The following GABRG3 variants were observed in gnomAD, a reference collection of about 807,000 sequenced individuals.
The protein encoded by GABRG3 is gamma-aminobutyric acid type A receptor subunit gamma3, also known as gamma-aminobutyric acid receptor subunit gamma-3.
Under a neutral mutation model 48.8 loss-of-function variants are expected in GABRG3, and 25 were observed. The observed-to-expected ratio is 0.51, with a 90% CI of 0.37 to 0.72. GABRG3 has a LOEUF of 0.72. Ranked by LOEUF, GABRG3 falls within the 30% of genes least tolerant of loss-of-function variation. GABRG3 has a pLI of 0.00. For synonymous variants in GABRG3, 227 were observed against 217.6 expected (o/e 1.04, Z -0.38); for missense variants, 394 against 577.9 (o/e 0.68, Z 3.26).
intron 2 of GABRG3, among the ~76,000 whole-genome samples, chr15:27,026,150 A>G (rs1895979075): frequency 6.6e-6 from 1 of 152,202 alleles, no homozygotes; most frequent in African/African-American, 2.4e-5. Context: ...TTAACATTCC[A>G]TTGTGTTTTG....
At chr15:26,977,255 A>G in intron 2 of GABRG3, 105 bp downstream of exon 2, 1 of 1,225,352 alleles carries the variant, frequency 8.2e-7, no homozygotes, top group South Asian at 1.4e-5. Flanking sequence ...AAGATAGTGC[A>G]GAAAGGTTTC....
At chr15:27,373,629 T>G (rs1895486565) in intron 5 of GABRG3, among the ~76,000 whole-genome samples, 1 of 152,234 alleles carries the variant, frequency 6.6e-6, no homozygotes, top group Admixed American at 6.5e-5. Flanking sequence ...AGCACTTAAT[T>G]ATATTAATGG....
chr15:26,988,481 T>C (rs1566901540), intron 2 of GABRG3, among the ~76,000 whole-genome samples: 2 of 152,180 alleles, frequency 1.3e-5, no homozygotes, highest in Non-Finnish European at 2.9e-5. Flanking sequence ...AGTGTTAGTA[T>C]GGTATATACG....
rs1481924086 is a variant in GABRG3, at chr15:27,541,219, C to T, written c.*8338C>T. ...ACACCTGGGCGACTCCTTGATCATT[C>T]GTGCATTCTGGTCAAGTTGACCCGA... On this transcript the variant is annotated 3_prime_UTR_variant, in exon 10 of 10. Coordinates refer to ENST00000615808, the MANE Select transcript of GABRG3 (RefSeq NM_033223.5). The T allele has an allele frequency of 1.3e-5, 2 of 152,240 alleles. No homozygotes were observed. Among genetic ancestry groups the T allele is most frequent in the Admixed American group, 6.5e-5 (1 of 15,290 alleles). The allele number at this position is 152,240 out of a possible 1,614,324, so 9.4% of individuals were successfully genotyped here. A position where few individuals can be genotyped will look rare whatever the true frequency, so the allele number is the denominator to read the frequency against.
chr15:27,444,691 T>C (rs1888889905), intron 5 of GABRG3, among the ~76,000 whole-genome samples: 1 of 152,220 alleles, frequency 6.6e-6, no homozygotes, highest in South Asian at 2.1e-4. Context: ...TGCTCCACTT[T>C]GCTGTTTCTC....
chr15:27,214,282 G>T (rs1889167987), intron 3 of GABRG3, among the ~76,000 whole-genome samples: 1 of 152,242 alleles, frequency 6.6e-6, no homozygotes, highest in African/African-American at 2.4e-5. Flanking sequence ...ATTCTGATTA[G>T]ATGCAAGGCT....
chr15:26,986,299 G>A (rs1296589674), intron 2 of GABRG3, among the ~76,000 whole-genome samples: 2 of 152,218 alleles, frequency 1.3e-5, no homozygotes, highest in Non-Finnish European at 2.9e-5. Context: ...AGCTATTACT[G>A]TAGAGTTAGT....
chr15:27,257,537 C>T (rs1249969618), intron 3 of GABRG3, among the ~76,000 whole-genome samples: 1 of 152,120 alleles, frequency 6.6e-6, no homozygotes, highest in African/African-American at 2.4e-5. Context: ...TAAGATATTT[C>T]TGAGTTGATT....
intron 6 of GABRG3, among the ~76,000 whole-genome samples, chr15:27,503,330 A>G (rs1174608211): frequency 6.6e-6 from 1 of 152,152 alleles, no homozygotes. Flanking sequence ...ACAGGCATGA[A>G]TCCAGTCAAG....
At position 27,041,001 on chromosome 15, in the gene GABRG3, A is replaced by G. The variant is rs146525526; in HGVS notation, c.270+14180A>G. ...CTCGTGCGGGGAGAAACCTCTTCCA[A>G]TATCCAACATTCAAACAGCATTTGT... On this transcript the variant is annotated intron_variant, in intron 3 of 9. Transcript: ENST00000615808. 4.5e-4 allele frequency among the ~76,000 whole-genome samples: 69 copies of G among 152,072 alleles called. No individual in the cohort carries two copies. In the East Asian group the frequency reaches 0.011, roughly 23 times the overall value.
At position 27,236,155 on chromosome 15, in the gene GABRG3, C is replaced by T. The variant is rs911650625; in HGVS notation, c.271-90654C>T. ...TCAGATCCATGGTACAGACCCAGAA[C>T]ACTTTTCTGTAAACCGTGTCCGGCG... is the stretch of plus-strand genomic sequence containing the variant. On this transcript the variant is annotated intron_variant, in intron 3 of 9. Transcript: ENST00000615808. The surrounding 1 kb of genome is among the most constrained non-coding windows in gnomAD (Gnocchi z 4.4). Among the ~76,000 whole-genome samples the T allele has an allele frequency of 1.3e-5, 2 of 152,158 alleles. No individual in the cohort carries two copies. Among genetic ancestry groups the T allele is most frequent in the Admixed American group, 6.5e-5 (1 of 15,284 alleles).
chr15:27,128,968 A>G (rs1010963967), intron 3 of GABRG3, among the ~76,000 whole-genome samples: 3 of 152,256 alleles, frequency 2.0e-5, no homozygotes, highest in Non-Finnish European at 2.9e-5. Context: ...AAGTTCTCAC[A>G]TATTTAGATA....
At chr15:27,408,405 A>G (rs896923945) in intron 5 of GABRG3, among the ~76,000 whole-genome samples, 2 of 152,156 alleles carry the variant, frequency 1.3e-5, no homozygotes. Flanking sequence ...TCGTGCAGCT[A>G]TTTGTTTGCT....
intron 1 of GABRG3, among the ~76,000 whole-genome samples, chr15:26,973,061 C>T (rs763459253): frequency 1.3e-5 from 2 of 152,144 alleles, no homozygotes; most frequent in South Asian, 2.1e-4. Flanking sequence ...ACGCTGAGGC[C>T]GGCAGTCACA....
intron 3 of GABRG3, among the ~76,000 whole-genome samples, chr15:27,201,792 ATAAT>A (rs1344582512): frequency 5.9e-5 from 9 of 152,240 alleles, no homozygotes; most frequent in African/African-American, 2.2e-4. Context: ...ATAAAAGTAA[ATAAT>A]TTAGATACAG....
chr15:27,160,555 A>G (rs1172053588), intron 3 of GABRG3, among the ~76,000 whole-genome samples: 1 of 151,506 alleles, frequency 6.6e-6, no homozygotes, highest in Non-Finnish European at 1.5e-5. Flanking sequence ...ATCCCTTCAA[A>G]TTTACCTTCC....
intron 5 of GABRG3, among the ~76,000 whole-genome samples, chr15:27,392,833 G>A (rs961095429): frequency 3.3e-5 from 5 of 152,148 alleles, no homozygotes; most frequent in African/African-American, 1.2e-4. Flanking sequence ...TATTTATTTT[G>A]TTACTCAAAT....
chr15:27,245,754 T>C (rs911861697), intron 3 of GABRG3, among the ~76,000 whole-genome samples: 3 of 152,048 alleles, frequency 2.0e-5, no homozygotes, highest in Admixed American at 6.6e-5. Context: ...GTGCCTGTAA[T>C]CCCAGCTACT....
chr15:27,537,563 C>G lies in GABRG3; in HGVS notation c.*4682C>G, dbSNP rs886103889. ...TATGTTTTATTATAAAAATAGATCT[C>G]TATCATTATAGGGATAAAACGTGTA... On this transcript the variant is annotated 3_prime_UTR_variant, in exon 10 of 10. Transcript: ENST00000615808. 2.0e-5 allele frequency: 3 copies of G among 152,136 alleles called. No homozygotes were observed. Among genetic ancestry groups the G allele is most frequent in the Non-Finnish European group, 2.9e-5 (2 of 68,034 alleles). 9.4% of individuals were successfully genotyped at this position (152,136 alleles called of 1,614,324 possible). A position where few individuals can be genotyped will look rare whatever the true frequency, so the allele number is the denominator to read the frequency against.
Sources: allele counts gnomAD v4.1 joint callset (sites outside exome capture counted in the v4.1 genomes callset), GRCh38; gene constraint gnomAD v4.1.1; non-coding constraint Gnocchi (gnomAD v3.1); transcripts MANE v1.5; gene names NCBI Gene and HGNC (gene_info 2026-07-23, HGNC 2026-07-21).